TENM3: variants seen among roughly 807,000 people sequenced by gnomAD.
TENM3 encodes teneurin-3.
A neutral mutation model predicts 255.1 loss-of-function variants in TENM3; 63 were observed. That is an observed-to-expected ratio of 0.25 (90% CI 0.20 to 0.30). The LOEUF is 0.30. TENM3 is among the 10% of genes least tolerant of loss of function. The probability of loss-of-function intolerance (pLI) is 1.00; values close to 1 mark genes in which losing one functional copy is unlikely to be tolerated. For synonymous variants in TENM3, 1,306 were observed against 1,322.3 expected (o/e 0.99, Z 0.27); for missense variants, 2,929 against 3,461.1 (o/e 0.85, Z 3.86).
intron 3 of TENM3, among the ~76,000 whole-genome samples, chr4:182,384,782 TCTC>T (rs1767797909): frequency 6.6e-6 from 1 of 151,976 alleles, no homozygotes; most frequent in African/African-American, 2.4e-5. Flanking sequence ...CTTTCATGAG[TCTC>T]CTCTTTTTTT....
chr4:182,044,038 A>G, the TENM3 span, among the ~76,000 whole-genome samples: 5 of 152,214 alleles, frequency 3.3e-5, no homozygotes, highest in African/African-American at 1.2e-4. Context: ...TGAATGTTAT[A>G]GTGTTCCTCT....
At chr4:181,522,145 G>A in the TENM3 span, among the ~76,000 whole-genome samples, 23 of 148,860 alleles carry the variant, frequency 1.5e-4, no homozygotes, top group Non-Finnish European at 4.4e-5. Flanking sequence ...AAGCTAATGT[G>A]GAGAGAGTGT....
Position 182,323,985 on chromosome 4 carries a change from C to A in TENM3, c.-36C>A. ...CTTGAACCCTGAGCCTAAGTTGTCA[C>A]CAGCAGGACTGATGTGCACACAGAA... On this transcript the variant is annotated 5_prime_UTR_variant, in exon 2 of 28. Coordinates refer to ENST00000511685, the MANE Select transcript of TENM3 (RefSeq NM_001080477.4). 3 of 1,579,434 alleles carry A rather than the reference C, an allele frequency of 1.9e-6. No individual in the cohort carries two copies. The highest frequency in any genetic ancestry group is 2.6e-6 in the Non-Finnish European group (3 of 1,155,186).
At chr4:181,934,387 G>A in the TENM3 span, among the ~76,000 whole-genome samples, 4 of 152,166 alleles carry the variant, frequency 2.6e-5, no homozygotes, top group African/African-American at 9.7e-5. Context: ...TCAGCAAATG[G>A]AAAGTATGGT....
At chr4:181,901,729 A>T in the TENM3 span, among the ~76,000 whole-genome samples, 1 of 152,194 alleles carries the variant, frequency 6.6e-6, no homozygotes, top group Admixed American at 6.5e-5. Context: ...ATTTCACCAC[A>T]ATGTTTTCCC....
At chr4:182,221,123 C>T (rs562480724) in intron 1 of TENM3, among the ~76,000 whole-genome samples, 10 of 152,182 alleles carry the variant, frequency 6.6e-5, no homozygotes, top group South Asian at 2.1e-4. Context: ...AAAATGTTAA[C>T]ATTTTGAAAC....
At chr4:181,524,323 C>T in the TENM3 span, among the ~76,000 whole-genome samples, 1,628 of 152,174 alleles carry the variant, frequency 0.011, 34 homozygotes, top group African/African-American at 0.037. Flanking sequence ...ATTAGGATAA[C>T]AAAAACTTCC....
At chr4:182,675,348 C>G (rs2152558125) in intron 7 of TENM3, among the ~76,000 whole-genome samples, 1 of 152,060 alleles carries the variant, frequency 6.6e-6, no homozygotes, top group East Asian at 2.0e-4. Context: ...TCAAGACCGG[C>G]CTGACCAACA....
the TENM3 span, among the ~76,000 whole-genome samples, chr4:181,870,568 T>C: frequency 1.3e-5 from 2 of 152,134 alleles, no homozygotes; most frequent in Non-Finnish European, 2.9e-5. Flanking sequence ...TTGTTAGCCA[T>C]TCATGAGTCT....
At chr4:182,736,325 C>T (rs1376957037) in intron 16 of TENM3, among the ~76,000 whole-genome samples, 1 of 152,216 alleles carries the variant, frequency 6.6e-6, no homozygotes, top group Non-Finnish European at 1.5e-5. Context: ...GATCTTTGGC[C>T]TAGACTGCAT....
At chr4:182,191,912 G>A (rs1365943369) in intron 1 of TENM3, among the ~76,000 whole-genome samples, 2 of 152,076 alleles carry the variant, frequency 1.3e-5, no homozygotes, top group Admixed American at 6.6e-5. Flanking sequence ...ATAATTGTAT[G>A]AGCCAATACA....
chr4:181,919,812 C>CA, the TENM3 span, among the ~76,000 whole-genome samples: 4 of 151,124 alleles, frequency 2.6e-5, no homozygotes, highest in African/African-American at 9.7e-5. Context: ...ATACATGTGC[C>CA]ATGCTGGTGT....
chr4:181,860,463 T>A, the TENM3 span, among the ~76,000 whole-genome samples: 1 of 152,232 alleles, frequency 6.6e-6, no homozygotes, highest in Middle Eastern at 3.2e-3. Flanking sequence ...TAGACTTTGA[T>A]AATGAGAAAC....
At chr4:182,472,190 A>G (rs1485550236) in intron 3 of TENM3, among the ~76,000 whole-genome samples, 2 of 152,060 alleles carry the variant, frequency 1.3e-5, no homozygotes, top group Non-Finnish European at 2.9e-5. Flanking sequence ...TTGCAAATTT[A>G]TGTTCTCTAT....
chr4:182,559,109 T>C (rs1047628434), intron 3 of TENM3, among the ~76,000 whole-genome samples: 2 of 149,664 alleles, frequency 1.3e-5, no homozygotes, highest in African/African-American at 4.9e-5. Context: ...TTTCTTTCTT[T>C]TCTCTTTATT....
At chr4:182,515,481 C>A (rs1737841945) in intron 3 of TENM3, among the ~76,000 whole-genome samples, 1 of 152,100 alleles carries the variant, frequency 6.6e-6, no homozygotes, top group South Asian at 2.1e-4. Context: ...TAGCAAGAAT[C>A]ATCTAATAAC....
chr4:181,782,533 G>C, the TENM3 span, among the ~76,000 whole-genome samples: 1 of 151,990 alleles, frequency 6.6e-6, no homozygotes, highest in Non-Finnish European at 1.5e-5. Flanking sequence ...AGTCTTGCTA[G>C]CAGTCTATCA....
chr4:182,547,594 A>G (rs896285743), intron 3 of TENM3, among the ~76,000 whole-genome samples: 7 of 152,094 alleles, frequency 4.6e-5, no homozygotes, highest in Admixed American at 6.5e-5. Context: ...GCTAAGTGCT[A>G]GTTTCATCCA....
At chr4:182,579,243 A>G (rs1745248634) in intron 3 of TENM3, among the ~76,000 whole-genome samples, 1 of 152,226 alleles carries the variant, frequency 6.6e-6, no homozygotes, top group African/African-American at 2.4e-5. Context: ...TGGAGTAGAG[A>G]AAGTCAGTAG....
Sources: allele counts gnomAD v4.1 joint callset (sites outside exome capture counted in the v4.1 genomes callset), GRCh38; gene constraint gnomAD v4.1.1; transcripts MANE v1.5; gene names NCBI Gene and HGNC (gene_info 2026-07-23, HGNC 2026-07-21).